The following PPM1L variants were observed in gnomAD, a reference collection of about 807,000 sequenced individuals.
PPM1L encodes protein phosphatase 1L.
Under a neutral mutation model 31.4 loss-of-function variants are expected in PPM1L, and 13 were observed. The ratio of observed to expected loss-of-function variants is 0.41; its 90% CI spans 0.27 to 0.66. The LOEUF (loss-of-function observed/expected upper bound fraction) is 0.66. PPM1L is among the 30% of genes least tolerant of loss of function. The pLI, the probability that PPM1L is intolerant of heterozygous loss-of-function variation, is 0.29. For synonymous variants in PPM1L, 184 were observed against 175.4 expected, an observed-to-expected ratio of 1.05 and a Z score of -0.39; for missense variants, 326 against 453.7, an observed-to-expected ratio of 0.72 and a Z score of 2.56.
intron 1 of PPM1L, among the ~76,000 whole-genome samples, chr3:160,947,406 T>G (rs1045748506): frequency 4.6e-5 from 7 of 152,094 alleles, no homozygotes; most frequent in African/African-American, 1.7e-4. Context: ...AAATATACTG[T>G]TTTTCCTGTC....
intron 1 of PPM1L, among the ~76,000 whole-genome samples, chr3:160,866,844 A>T (rs1269240984): frequency 6.6e-6 from 1 of 152,002 alleles, no homozygotes; most frequent in Non-Finnish European, 1.5e-5. Flanking sequence ...TTACCATTTT[A>T]TGTATTTATT....
chr3:160,969,024 A>G (rs1171687794), intron 2 of PPM1L, among the ~76,000 whole-genome samples: 1 of 152,232 alleles, frequency 6.6e-6, no homozygotes, highest in Non-Finnish European at 1.5e-5. Context: ...ACATGAGGGA[A>G]GAAGAGAGCT....
Position 161,077,324 on chromosome 3 carries a change from T to A in PPM1L, c.*8167T>A, listed in dbSNP as rs1411862720. Reference sequence around the variant, plus strand: ...AGTTTCTGAAGGATGGGGTGGGGAGTGAGACATGGAGCCTCTGGGGACAAG... The same window carrying A: ...AGTTTCTGAAGGATGGGGTGGGGAGAGAGACATGGAGCCTCTGGGGACAAG... On this transcript the variant is annotated 3_prime_UTR_variant, in exon 4 of 4. Transcript: ENST00000498165. 6.6e-6 allele frequency: 1 copy of A among 151,088 alleles called. No homozygotes were observed. The highest frequency in any genetic ancestry group is 2.4e-5 in the African/African-American group (1 of 40,976). The allele number at this position is 151,088 out of a possible 1,614,324, so 9.4% of individuals were successfully genotyped here. A position where few individuals can be genotyped will look rare whatever the true frequency, so the allele number is the denominator to read the frequency against.
At chr3:161,012,057 G>C (rs1316994823) in intron 2 of PPM1L, among the ~76,000 whole-genome samples, 1 of 152,126 alleles carries the variant, frequency 6.6e-6, no homozygotes, top group Non-Finnish European at 1.5e-5. Flanking sequence ...ACACTATGTT[G>C]AATAGGAGTG....
chr3:160,758,760 C>T (rs1425502114), intron 1 of PPM1L, among the ~76,000 whole-genome samples: 1 of 152,102 alleles, frequency 6.6e-6, no homozygotes, highest in East Asian at 1.9e-4. Context: ...GTATTTTACA[C>T]GTACATGGCT....
chr3:160,895,603 G>T (rs554863905), intron 1 of PPM1L, among the ~76,000 whole-genome samples: 1 of 152,186 alleles, frequency 6.6e-6, no homozygotes, highest in African/African-American at 2.4e-5. Context: ...TGTCTATTTT[G>T]TGTCTTGGAA....
At chr3:161,043,893 T>C (rs1162292377) in intron 2 of PPM1L, among the ~76,000 whole-genome samples, 1 of 152,166 alleles carries the variant, frequency 6.6e-6, no homozygotes, top group Non-Finnish European at 1.5e-5. Flanking sequence ...ACTTTACCCC[T>C]TGGGCTTGTA....
At chr3:160,812,427 C>T (rs897850347) in intron 1 of PPM1L, among the ~76,000 whole-genome samples, 2 of 152,126 alleles carry the variant, frequency 1.3e-5, no homozygotes, top group African/African-American at 4.8e-5. Context: ...ACCAGGAGGA[C>T]TCAGAAGCAT....
At chr3:160,979,613 A>C (rs943044786) in intron 2 of PPM1L, among the ~76,000 whole-genome samples, 4 of 152,100 alleles carry the variant, frequency 2.6e-5, no homozygotes, top group African/African-American at 9.6e-5. Context: ...GTTACCTTCC[A>C]CAGATAAGAA....
chr3:160,808,991 G>T (rs1162070773), intron 1 of PPM1L, among the ~76,000 whole-genome samples: 3 of 152,114 alleles, frequency 2.0e-5, no homozygotes, highest in Non-Finnish European at 2.9e-5. Context: ...GTAGAGAAGT[G>T]CTGGCAGTTG....
At chr3:160,929,702 C>T (rs1714720156) in intron 1 of PPM1L, among the ~76,000 whole-genome samples, 1 of 152,164 alleles carries the variant, frequency 6.6e-6, no homozygotes, top group Non-Finnish European at 1.5e-5. Context: ...ATAAATGCTC[C>T]ATTGTGAGGT....
At chr3:161,045,304 T>C (rs1424007944) in intron 2 of PPM1L, among the ~76,000 whole-genome samples, 1 of 152,136 alleles carries the variant, frequency 6.6e-6, no homozygotes, top group Non-Finnish European at 1.5e-5. Flanking sequence ...CCACCACAAA[T>C]CAACAGAATA....
intron 1 of PPM1L, among the ~76,000 whole-genome samples, chr3:160,806,967 A>G (rs919519773): frequency 6.6e-6 from 1 of 152,102 alleles, no homozygotes; most frequent in Non-Finnish European, 1.5e-5. Context: ...AAGGAAAGAA[A>G]GAGAAAGAAA....
chr3:160,920,009 A>C (rs1447557643), intron 1 of PPM1L, among the ~76,000 whole-genome samples: 1 of 152,094 alleles, frequency 6.6e-6, no homozygotes, highest in Non-Finnish European at 1.5e-5. Flanking sequence ...CCAGGGCTTA[A>C]ATGGGTCCTG....
At chr3:160,962,208 T>C (rs779091875) in intron 2 of PPM1L, among the ~76,000 whole-genome samples, 12 of 152,182 alleles carry the variant, frequency 7.9e-5, no homozygotes, top group African/African-American at 2.4e-4. Flanking sequence ...CTGAAAACTT[T>C]TACATCCGAG....
At chr3:160,805,493 A>G (rs766701957) in intron 1 of PPM1L, among the ~76,000 whole-genome samples, 2 of 152,174 alleles carry the variant, frequency 1.3e-5, no homozygotes, top group Non-Finnish European at 2.9e-5. Flanking sequence ...AAGCCGAGGC[A>G]GGTGGATCAC....
chr3:160,761,804 T>C (rs7643513), intron 1 of PPM1L, among the ~76,000 whole-genome samples: 82,692 of 152,052 alleles, frequency 0.54, 25,936 homozygotes, highest in African/African-American at 0.87. Context: ...AGGTGAAAGG[T>C]GCATCTCACA....
intron 1 of PPM1L, among the ~76,000 whole-genome samples, chr3:160,950,146 T>TA (rs1224139781): frequency 2.0e-5 from 3 of 152,286 alleles, no homozygotes; most frequent in South Asian, 2.1e-4. Flanking sequence ...TTTCATACTT[T>TA]ACACTCCATT....
intron 1 of PPM1L, chr3:160,870,696 A>T (rs943785161): frequency 2.0e-5 from 3 of 152,222 alleles, no homozygotes. Context: ...AGTTGTAATT[A>T]ATTTTCCTGA....
Sources: allele counts gnomAD v4.1 joint callset (sites outside exome capture counted in the v4.1 genomes callset), GRCh38; gene constraint gnomAD v4.1.1; transcripts MANE v1.5; gene names NCBI Gene and HGNC (gene_info 2026-07-23, HGNC 2026-07-21).